REG4: variants seen among roughly 807,000 people sequenced by gnomAD.
REG4 encodes regenerating family member 4.
A neutral mutation model predicts 22.3 loss-of-function variants in REG4; 16 were observed. The ratio of observed to expected loss-of-function variants is 0.72; its 90% CI spans 0.49 to 1.09. The LOEUF (loss-of-function observed/expected upper bound fraction) is 1.09, where lower values mean the gene tolerates loss of function less well. Among genes scored for constraint, REG4 ranks in the 50% least tolerant of loss-of-function variants. The pLI is 0.00. For synonymous variants in REG4, 71 were observed against 69.2 expected, an observed-to-expected ratio of 1.03 and a Z score of -0.13; for missense variants, 214 against 193.9, an observed-to-expected ratio of 1.10 and a Z score of -0.61.
At chr1:119,799,690 C>CAAA in intron 4 of REG4, 35 bp downstream of exon 4, 1 of 1,601,904 alleles carries the variant, frequency 6.2e-7, no homozygotes, top group South Asian at 1.1e-5. Flanking sequence ...GCCTGGCTTT[C>CAAA]CCAAGAGGGC....
chr1:119,795,354 C>A (rs996667752), intron 5 of REG4, among the ~76,000 whole-genome samples: 25 of 152,142 alleles, frequency 1.6e-4, no homozygotes, highest in African/African-American at 6.0e-4. Context: ...TGTCCTCAAG[C>A]CCACAGCTGA....
Position 119,798,557 on chromosome 1 carries a change from A to T in REG4, c.349T>A (p.Ser117Thr). The T allele has an allele frequency of 1.2e-6, 2 of 1,614,194 alleles. No homozygotes were observed. The highest frequency in any genetic ancestry group is 1.7e-6 in the Non-Finnish European group (2 of 1,180,024). Residue 117 changes from serine to threonine, a missense_variant, in exon 5 of 6, where the codon TCC becomes ACC. Coordinates refer to ENST00000256585, the MANE Select transcript of REG4 (RefSeq NM_032044.4). ...WIDGAMYLYR[S>T]WSGKSMGGNK... ...CCACCCATGGACTTGCCAGACCAGGATCTGTACAGATACATGGCCCCATCA... is the reference window on the plus strand; with the variant it reads ...CCACCCATGGACTTGCCAGACCAGGTTCTGTACAGATACATGGCCCCATCA...
chr1:119,799,411 C>T (rs1292601300), intron 4 of REG4, among the ~76,000 whole-genome samples: 177 of 1,398 alleles, frequency 0.13, no homozygotes, highest in African/African-American at 0.4. Context: ...TGTGTGCGTA[C>T]ACACACACAC....
chr1:119,796,449 T>C (rs1653940722), intron 5 of REG4, among the ~76,000 whole-genome samples: 1 of 152,018 alleles, frequency 6.6e-6, no homozygotes, highest in Non-Finnish European at 1.5e-5. Context: ...ACACACAAAA[T>C]AAAATGCTCT....
At chr1:119,804,974 G>A (rs942905919) in intron 2 of REG4, among the ~76,000 whole-genome samples, 1 of 152,136 alleles carries the variant, frequency 6.6e-6, no homozygotes. Flanking sequence ...TGCTTGAGGA[G>A]GTGAGGAAAC....
Position 119,794,545 on chromosome 1 carries a change from G to A in REG4, c.*73C>T. On this transcript the variant is annotated 3_prime_UTR_variant, in exon 6 of 6. Coordinates refer to ENST00000256585, the MANE Select transcript of REG4 (RefSeq NM_032044.4). ...CTAGGTTTCCCCTCTGAAATAATGA[G>A]CAGATTTAGCCAGGCTAGCAGAAAG... is the stretch of plus-strand genomic sequence containing the variant. 7.5e-7 allele frequency: 1 copy of A among 1,339,714 alleles called. No homozygotes were observed. The highest frequency in any genetic ancestry group is 1.2e-5 in the South Asian group (1 of 85,514). 83.0% of individuals were successfully genotyped at this position (1,339,714 alleles called of 1,614,324 possible).
chr1:119,804,591 C>G (rs1192515377), intron 2 of REG4, among the ~76,000 whole-genome samples: 3 of 152,156 alleles, frequency 2.0e-5, no homozygotes, highest in Non-Finnish European at 4.4e-5. Flanking sequence ...TATTTAAATG[C>G]TTCATCTTCT....
chr1:119,794,578 AC>A lies in REG4; in HGVS notation c.*39del, dbSNP rs773951114. On this transcript the variant is annotated 3_prime_UTR_variant, in exon 6 of 6. Transcript: ENST00000256585. ...AGCCAGGCTAGCAGAAAGGAAGAGG[AC>A]GGGGCTGTGCAGGAGTTAGCAGAAT... is the stretch of plus-strand genomic sequence containing the variant. 13 of 1,554,616 alleles carry A rather than the reference AC, an allele frequency of 8.4e-6. No individual in the cohort carries two copies. In the East Asian group the frequency reaches 2.7e-4, roughly 32 times the overall value.
At chr1:119,794,729 C>T (rs1297251881) in intron 5 of REG4, 44 bp from the exon 6 acceptor site, 1 of 1,552,756 alleles carries the variant, frequency 6.4e-7, no homozygotes, top group Non-Finnish European at 8.9e-7. Context: ...CAGTACTATA[C>T]TGAGCTTGCC....
Position 119,808,772 on chromosome 1 carries a change from T to C in REG4, c.-3A>G, listed in dbSNP as rs774483417. The C allele has an allele frequency of 6.2e-7, 1 of 1,612,682 alleles. No homozygotes were observed. ...AGCCGCATGCTTCTGGAAGCCATCTTCCTCCTACCCTGAGGATGTAGCTAG... is the reference window on the plus strand; with the variant it reads ...AGCCGCATGCTTCTGGAAGCCATCTCCCTCCTACCCTGAGGATGTAGCTAG... On this transcript the variant is annotated 5_prime_UTR_variant, in exon 2 of 6. Transcript: ENST00000256585.
At chr1:119,807,089 ATGTTG>A (rs1654344046) in intron 2 of REG4, among the ~76,000 whole-genome samples, 1 of 152,236 alleles carries the variant, frequency 6.6e-6, no homozygotes, top group South Asian at 2.1e-4. Context: ...TCCATAAATG[ATGTTG>A]CTCTATGTCT....
In REG4 at chr1:119,794,621, T is replaced by C. The variant is rs747716109; in HGVS notation, c.474A>G (p.Pro158=). The C allele has an allele frequency of 5.6e-6, 9 of 1,613,886 alleles. No individual in the cohort carries two copies. The highest frequency in any genetic ancestry group is 8.5e-7 in the Non-Finnish European group (1 of 1,179,828). The change falls in exon 6 of 6, where the codon CCA becomes CCG. Residue 158 remains proline (P), a synonymous_variant. Coordinates refer to ENST00000256585, the MANE Select transcript of REG4 (RefSeq NM_032044.4). ...KRQHFLCKYR[P] ...TAGCAGAATCTTGATTCTTGCTCTATGGTCGGTACTTGCACAGGAAGTGTT... is the reference window on the plus strand; with the variant it reads ...TAGCAGAATCTTGATTCTTGCTCTACGGTCGGTACTTGCACAGGAAGTGTT...
intron 2 of REG4, among the ~76,000 whole-genome samples, chr1:119,806,821 G>A (rs1448616124): frequency 1.3e-5 from 2 of 152,162 alleles, no homozygotes; most frequent in Non-Finnish European, 2.9e-5. Flanking sequence ...CTTATTACAT[G>A]TATGACCTTA....
chr1:119,809,555 C>T (rs1057399853), intron 1 of REG4, among the ~76,000 whole-genome samples: 2 of 152,202 alleles, frequency 1.3e-5, no homozygotes, highest in East Asian at 1.9e-4. Context: ...TCTTTCTATG[C>T]ACCTCTCTCT....
intron 5 of REG4, among the ~76,000 whole-genome samples, chr1:119,795,556 C>T (rs1398546532): frequency 6.6e-6 from 1 of 152,250 alleles, no homozygotes; most frequent in East Asian, 1.9e-4. Flanking sequence ...CATCACTTGT[C>T]TTCCATGGGT....
chr1:119,798,476 G>T (rs762107044), intron 5 of REG4, 21 bp downstream of exon 5: 2 of 1,581,614 alleles, frequency 1.3e-6, no homozygotes, highest in East Asian at 4.5e-5. Flanking sequence ...AAGTGGTGAG[G>T]GGTGGTGCAT....
chr1:119,796,553 A>G (rs1459649053), intron 5 of REG4, among the ~76,000 whole-genome samples: 1 of 151,828 alleles, frequency 6.6e-6, no homozygotes, highest in East Asian at 1.9e-4. Context: ...GCATTAATAT[A>G]CATTTTGAAT....
At position 119,794,300 on chromosome 1, in the gene REG4, C is replaced by A; in HGVS notation, c.*318G>T. On this transcript the variant is annotated 3_prime_UTR_variant, in exon 6 of 6. Coordinates refer to ENST00000256585, the MANE Select transcript of REG4 (RefSeq NM_032044.4). ...TCTTCCTTCTGTCTTCAAATCTTTA[C>A]TTCTTATGGCCAAAGACCCAGCTGT... 1.7e-6 allele frequency: 1 copy of A among 584,632 alleles called. No individual in the cohort carries two copies. Among genetic ancestry groups the A allele is most frequent in the Non-Finnish European group, 3.4e-6 (1 of 296,598 alleles). 36.2% of individuals were successfully genotyped at this position (584,632 alleles called of 1,614,324 possible). A position where few individuals can be genotyped will look rare whatever the true frequency, so the allele number is the denominator to read the frequency against.
At chr1:119,799,989 A>G in intron 3 of REG4, 127 bp from the exon 4 acceptor site, 2 of 1,236,954 alleles carry the variant, frequency 1.6e-6, no homozygotes, top group South Asian at 2.9e-5. Flanking sequence ...ATCGTGCTCT[A>G]AGCCCCACAG....
Sources: allele counts gnomAD v4.1 joint callset (sites outside exome capture counted in the v4.1 genomes callset), GRCh38; gene constraint gnomAD v4.1.1; transcripts MANE v1.5; gene names NCBI Gene and HGNC (gene_info 2026-07-23, HGNC 2026-07-21).